Variants in PTPRK observed in about 807,000 individuals in gnomAD.
PTPRK encodes protein tyrosine phosphatase receptor type K.
PTPRK carries 75 observed loss-of-function variants against 178.0 expected under a neutral mutation model. That is an observed-to-expected ratio of 0.42 (90% CI 0.35 to 0.51). The LOEUF (loss-of-function observed/expected upper bound fraction) is 0.51, where lower values mean the gene tolerates loss of function less well. Ranked by LOEUF, PTPRK falls within the 20% of genes least tolerant of loss-of-function variation. PTPRK has a pLI of 0.02. For synonymous variants in PTPRK, 637 were observed against 620.6 expected (o/e 1.03, Z -0.39); for missense variants, 1,441 against 1,797.8 (o/e 0.80, Z 3.59).
intron 15 of PTPRK, chr6:127,999,885 TA>T (rs1178504466): frequency 1.2e-6 from 1 of 806,718 alleles, no homozygotes; most frequent in Non-Finnish European, 1.5e-6. Context: ...CACTCACAAT[TA>T]AGCGTAAGTC....
chr6:128,434,360 G>A (rs144676283), intron 1 of PTPRK, among the ~76,000 whole-genome samples: 44 of 152,168 alleles, frequency 2.9e-4, no homozygotes, highest in African/African-American at 1.1e-3. Flanking sequence ...GTTTCAAAAC[G>A]ACTAATAATA....
intron 2 of PTPRK, among the ~76,000 whole-genome samples, chr6:128,372,977 T>C (rs1159394188): frequency 6.7e-6 from 1 of 150,262 alleles, no homozygotes; most frequent in African/African-American, 2.5e-5. Context: ...TGGGAACTAA[T>C]GAGGGAGGTA....
chr6:128,083,572 T>G lies in PTPRK; in HGVS notation c.1575+143A>C, dbSNP rs184098334. The stretch of plus-strand genomic sequence containing the variant: ...GACGCTTAATTTTGGAATCAAAGAA[T>G]CTGTAAATTAAAACAAAGGAGAATG... On this transcript the variant is annotated intron_variant, in intron 9 of 29. Coordinates refer to ENST00000368226, the MANE Select transcript of PTPRK (RefSeq NM_002844.4). The G allele has an allele frequency of 1.7e-3, 750 of 428,684 alleles. 7 individuals carry two copies. Among genetic ancestry groups the G allele is most frequent in the African/African-American group, 0.013 (648 of 48,878 alleles). 26.6% of individuals were successfully genotyped at this position (428,684 alleles called of 1,614,324 possible).
At chr6:127,992,564 G>C in intron 19 of PTPRK, 109 bp downstream of exon 19, 2 of 823,702 alleles carry the variant, frequency 2.4e-6, no homozygotes, top group Non-Finnish European at 3.9e-6. Context: ...TAATCAGAAG[G>C]GCTGATTTTT....
intron 5 of PTPRK, chr6:128,230,584 AT>A (rs1432668030): frequency 2.0e-5 from 3 of 152,248 alleles, no homozygotes; most frequent in Admixed American, 6.5e-5. Flanking sequence ...CCTACGTTTT[AT>A]TTTACAATAA....
At chr6:128,347,160 C>A (rs1042662007) in intron 2 of PTPRK, among the ~76,000 whole-genome samples, 1 of 152,056 alleles carries the variant, frequency 6.6e-6, no homozygotes, top group African/African-American at 2.4e-5. Flanking sequence ...AACAATAATA[C>A]AAATTTCTAT....
rs1164594342 is a variant in PTPRK, at chr6:128,240,032, T to C, written c.693+3A>G. ...TTTAGCTCAGCTGCCAACTTGGCCT[T>C]ACCTGGAGCCATAACTTGTTATGCA... On this transcript the variant is annotated splice_donor_region_variant and intron_variant, in intron 5 of 29. Transcript: ENST00000368226. 4.3e-6 allele frequency: 7 copies of C among 1,611,820 alleles called. No individual in the cohort carries two copies. Among genetic ancestry groups the C allele is most frequent in the Non-Finnish European group, 5.9e-6 (7 of 1,178,386 alleles).
rs774105670 is a variant in PTPRK, at chr6:127,976,686, G to A, written c.3940C>T (p.Arg1314Trp). 1.1e-5 allele frequency: 18 copies of A among 1,613,730 alleles called. No individual in the cohort carries two copies. Among genetic ancestry groups the A allele is most frequent in the East Asian group, 2.2e-5 (1 of 44,870 alleles). Residue 1314 changes from arginine (R) to tryptophan (W), a missense_variant, in exon 27 of 30, where the codon CGG becomes TGG. Physicochemically the swap from Arg to Trp is moderately radical, Grantham distance 101. Around this residue, in one of 4 missense-constraint regions of PTPRK, gnomAD observed 335 missense variants for 512.4 expected, o/e 0.65. Coordinates refer to ENST00000368226, the MANE Select transcript of PTPRK (RefSeq NM_002844.4). ...GTTAGATTGCATATCCTAAAAATCC[G>A]GTTGATCACATCACAGTCCATTGAA... is the stretch of plus-strand genomic sequence containing the variant. ...SCSMDCDVIN[R>W]IFRICNLTRP...
chr6:128,465,067 C>T (rs961307852), intron 1 of PTPRK, among the ~76,000 whole-genome samples: 12 of 151,490 alleles, frequency 7.9e-5, no homozygotes, highest in African/African-American at 2.7e-4. Flanking sequence ...ATAAAGCAGT[C>T]AAATAAAATT....
intron 1 of PTPRK, among the ~76,000 whole-genome samples, chr6:128,400,197 A>G (rs1375540064): frequency 1.3e-5 from 2 of 152,262 alleles, no homozygotes; most frequent in African/African-American, 2.4e-5. Context: ...ATTCCACAGA[A>G]CATTAAAGAA....
intron 7 of PTPRK, among the ~76,000 whole-genome samples, chr6:128,135,078 TCACACACACACACACACACA>T (rs34254716): frequency 7.3e-6 from 1 of 136,276 alleles, no homozygotes; most frequent in Non-Finnish European, 1.6e-5. Context: ...AATCATTCAA[TCACACACACACACACACACA>T]CACACACACA....
intron 9 of PTPRK, among the ~76,000 whole-genome samples, chr6:128,082,925 A>G (rs1418770054): frequency 6.6e-6 from 1 of 152,094 alleles, no homozygotes; most frequent in Non-Finnish European, 1.5e-5. Context: ...GTACATAAAA[A>G]ATCTTATAGC....
rs528615022 is a variant in PTPRK, at chr6:128,336,268, T to C, written c.224-13958A>G. ...AATTGTACTTTAATGTTTTCATAAATGCTAACTTAAGGCTCAATGGGTAAA... is the reference window on the plus strand; with the variant it reads ...AATTGTACTTTAATGTTTTCATAAACGCTAACTTAAGGCTCAATGGGTAAA... On this transcript the variant is annotated intron_variant, in intron 2 of 29. Transcript: ENST00000368226. Among the ~76,000 whole-genome samples the C allele has an allele frequency of 4.6e-5, 7 of 152,212 alleles. No individual in the cohort carries two copies. The East Asian group carries it at 1.4e-3, about 29-fold the overall frequency.
chr6:128,122,667 A>T (rs1792672263), intron 7 of PTPRK, among the ~76,000 whole-genome samples: 1 of 152,224 alleles, frequency 6.6e-6, no homozygotes, highest in Non-Finnish European at 1.5e-5. Context: ...ACTTTAGGCA[A>T]GTTTCTTCAC....
chr6:128,312,079 C>T (rs907862048), intron 3 of PTPRK, among the ~76,000 whole-genome samples: 33 of 152,152 alleles, frequency 2.2e-4, no homozygotes, highest in Non-Finnish European at 4.4e-5. Context: ...AGAGTATGAT[C>T]TAATTAATGC....
chr6:128,481,270 A>T (rs1852038034), intron 1 of PTPRK, among the ~76,000 whole-genome samples: 1 of 152,150 alleles, frequency 6.6e-6, no homozygotes, highest in Admixed American at 6.6e-5. Context: ...ATTTAGGTTC[A>T]ACTGTTAACT....
chr6:128,142,533 T>C lies in PTPRK; in HGVS notation c.1162+41899A>G, dbSNP rs145876424. Among the ~76,000 whole-genome samples, 1,279 of 151,530 alleles carry C rather than the reference T, an allele frequency of 8.4e-3. 50 individuals carry two copies. The highest frequency in any genetic ancestry group is 0.042 in the East Asian group (216 of 5,168). On this transcript the variant is annotated intron_variant, in intron 7 of 29. Coordinates refer to ENST00000368226, the MANE Select transcript of PTPRK (RefSeq NM_002844.4). ...TGTGTGTGTGTAAAATATATGGGTA[T>C]ATATAAAATATATACATAATATATA...
intron 3 of PTPRK, chr6:128,321,535 A>G (rs1288086924): frequency 5.1e-6 from 2 of 388,466 alleles, no homozygotes; most frequent in African/African-American, 4.2e-5. Flanking sequence ...CAATTAATTA[A>G]TCAAAATTAA....
At chr6:128,507,730 T>C (rs117969176) in intron 1 of PTPRK, among the ~76,000 whole-genome samples, 2,401 of 152,212 alleles carry the variant, frequency 0.016, 38 homozygotes, top group Non-Finnish European at 0.026. Flanking sequence ...CAACCAGGGA[T>C]TATGCATGTG....
Sources: gnomAD v4.1 joint callset for allele counts (sites outside exome capture counted in the v4.1 genomes callset) on GRCh38, gnomAD v4.1.1 for gene constraint, gnomAD v4.1.1 regional missense constraint, MANE v1.5 for transcripts, NCBI Gene and HGNC (gene_info 2026-07-23, HGNC 2026-07-21) for gene names.